MAP2K6: variants seen among roughly 807,000 people sequenced by gnomAD.
MAP2K6 encodes dual specificity mitogen-activated protein kinase kinase 6.
MAP2K6 carries 16 observed loss-of-function variants against 53.7 expected under a neutral mutation model. The ratio of observed to expected loss-of-function variants is 0.30; its 90% CI spans 0.20 to 0.45. The LOEUF is 0.45. MAP2K6 is among the 20% of genes least tolerant of loss of function. The pLI is 1.00. For missense variants in MAP2K6, 204 were observed against 411.9 expected, an observed-to-expected ratio of 0.50 and a Z score of 4.37; for synonymous variants, 132 against 143.1, an observed-to-expected ratio of 0.92 and a Z score of 0.55.
chr17:69,521,183 C>G (rs1910447670), intron 7 of MAP2K6, 83 bp downstream of exon 7: 1 of 1,231,548 alleles, frequency 8.1e-7, no homozygotes, highest in Non-Finnish European at 1.2e-6. Context: ...CCCCAGTCCC[C>G]CATGGGTGGA....
Position 69,544,748 on chromosome 17 carries a change from T to G in MAP2K6, c.*2995T>G, listed in dbSNP as rs553223365. The G allele has an allele frequency of 4.6e-5, 7 of 152,318 alleles. No homozygotes were observed. In the South Asian group the frequency reaches 1.5e-3, roughly 32 times the overall value. The allele number at this position is 152,318 out of a possible 1,614,324, so 9.4% of individuals were successfully genotyped here. A position where few individuals can be genotyped will look rare whatever the true frequency, so the allele number is the denominator to read the frequency against. ...GCCAAAAAAAGTAATATGCATAACT[T>G]TTAAGACTATTACCCTATGTTTGTA... On this transcript the variant is annotated 3_prime_UTR_variant, in exon 12 of 12. Coordinates refer to ENST00000590474, the MANE Select transcript of MAP2K6 (RefSeq NM_002758.4).
intron 11 of MAP2K6, among the ~76,000 whole-genome samples, chr17:69,539,712 T>G (rs1171730571): frequency 6.6e-6 from 1 of 152,042 alleles, no homozygotes; most frequent in Non-Finnish European, 1.5e-5. Context: ...AAAGGCAAGG[T>G]GGGGCTGGCA....
intron 1 of MAP2K6, among the ~76,000 whole-genome samples, chr17:69,476,024 GA>G (rs1232285255): frequency 1.3e-5 from 2 of 152,156 alleles, no homozygotes; most frequent in Non-Finnish European, 2.9e-5. Flanking sequence ...GAGCAAATGA[GA>G]AAAGGCAGAA....
intron 1 of MAP2K6, among the ~76,000 whole-genome samples, chr17:69,418,236 T>C (rs545033251): frequency 4.6e-5 from 7 of 152,176 alleles, no homozygotes; most frequent in Non-Finnish European, 1.0e-4. Context: ...TAGCATTGCA[T>C]TCAGTTCTTT....
chr17:69,445,655 T>A (rs962219474), intron 1 of MAP2K6, among the ~76,000 whole-genome samples: 12 of 152,156 alleles, frequency 7.9e-5, no homozygotes, highest in Non-Finnish European at 1.2e-4. Flanking sequence ...ATTTTTTTTT[T>A]AAATATTCTT....
intron 2 of MAP2K6, among the ~76,000 whole-genome samples, chr17:69,511,348 TG>T (rs1383661492): frequency 6.6e-6 from 1 of 152,216 alleles, no homozygotes; most frequent in Non-Finnish European, 1.5e-5. Context: ...GTGTTTTTCT[TG>T]GCAATTTTTG....
At chr17:69,496,903 A>G (rs1220140822) in intron 1 of MAP2K6, among the ~76,000 whole-genome samples, 2 of 151,686 alleles carry the variant, frequency 1.3e-5, no homozygotes, top group Non-Finnish European at 2.9e-5. Flanking sequence ...TTCCTCTTTC[A>G]CTTAACTTCA....
In MAP2K6 at chr17:69,551,973, G is replaced by A. The variant is rs1437479076; in HGVS notation, c.*10220G>A. 6.6e-6 allele frequency: 1 copy of A among 152,160 alleles called. No homozygotes were observed. Among genetic ancestry groups the A allele is most frequent in the Non-Finnish European group, 1.5e-5 (1 of 68,022 alleles). 9.4% of individuals were successfully genotyped at this position (152,160 alleles called of 1,614,324 possible). On this transcript the variant is annotated 3_prime_UTR_variant, in exon 12 of 12. Coordinates refer to ENST00000590474, the MANE Select transcript of MAP2K6 (RefSeq NM_002758.4). ...CTTTACAAGAATTTTAATAAAAGAG[G>A]TGGATTTCTTCAGCTTTCTTTGTGC...
At chr17:69,431,326 T>C (rs2145137463) in intron 1 of MAP2K6, among the ~76,000 whole-genome samples, 1 of 151,106 alleles carries the variant, frequency 6.6e-6, no homozygotes, top group East Asian at 1.9e-4. Context: ...ACAATTATAC[T>C]ATATTGTATA....
intron 1 of MAP2K6, among the ~76,000 whole-genome samples, chr17:69,498,590 C>A (rs1909031358): frequency 6.6e-6 from 1 of 151,456 alleles, no homozygotes; most frequent in African/African-American, 2.4e-5. Flanking sequence ...GACTTTTTAG[C>A]ACTTAGAGAC....
At chr17:69,486,174 G>A (rs903763929) in intron 1 of MAP2K6, among the ~76,000 whole-genome samples, 20 of 152,160 alleles carry the variant, frequency 1.3e-4, no homozygotes, top group Admixed American at 7.2e-4. Context: ...GTTTTTCCAC[G>A]TTGTGGTACT....
At chr17:69,497,524 CT>C (rs11442126) in intron 1 of MAP2K6, among the ~76,000 whole-genome samples, 26 of 149,506 alleles carry the variant, frequency 1.7e-4, no homozygotes, top group Non-Finnish European at 3.1e-4. Flanking sequence ...CTTGTTACAT[CT>C]TTTTTTTTTT....
intron 1 of MAP2K6, among the ~76,000 whole-genome samples, chr17:69,470,750 T>C (rs573442308): frequency 1.8e-4 from 27 of 152,360 alleles, no homozygotes; most frequent in African/African-American, 5.8e-4. Context: ...TGGTGCTGTC[T>C]GCCTAGAACT....
chr17:69,438,961 G>A (rs1358479664), intron 1 of MAP2K6, among the ~76,000 whole-genome samples: 1 of 152,170 alleles, frequency 6.6e-6, no homozygotes. Context: ...TTAAGTTTCA[G>A]TGTCTATAAA....
intron 1 of MAP2K6, among the ~76,000 whole-genome samples, chr17:69,469,296 C>T (rs374161514): frequency 2.0e-4 from 31 of 152,182 alleles, no homozygotes; most frequent in East Asian, 3.8e-4. Context: ...ATTTTGAGCC[C>T]GCTCAAAATA....
chr17:69,476,382 T>C (rs772577234), intron 1 of MAP2K6, among the ~76,000 whole-genome samples: 1 of 152,192 alleles, frequency 6.6e-6, no homozygotes, highest in Non-Finnish European at 1.5e-5. Context: ...AAGGTGATAC[T>C]GGAATCGCAG....
intron 1 of MAP2K6, among the ~76,000 whole-genome samples, chr17:69,464,064 A>G (rs181029917): frequency 1.0e-3 from 158 of 152,190 alleles, no homozygotes; most frequent in African/African-American, 3.7e-3. Context: ...AAAATATTGT[A>G]TGTTTTTATT....
At chr17:69,430,252 C>T (rs556920449) in intron 1 of MAP2K6, among the ~76,000 whole-genome samples, 10 of 152,166 alleles carry the variant, frequency 6.6e-5, no homozygotes, top group African/African-American at 2.4e-4. Flanking sequence ...ATGAGAATCG[C>T]TTGAACCTGG....
At chr17:69,486,774 AG>A (rs11362067) in intron 1 of MAP2K6, among the ~76,000 whole-genome samples, 23,054 of 152,158 alleles carry the variant, frequency 0.15, 1,870 homozygotes, top group African/African-American at 0.19. Context: ...TGCTTAGGGA[AG>A]GGGCATTCGT....
Sources: gnomAD v4.1 joint callset for allele counts (sites outside exome capture counted in the v4.1 genomes callset) on GRCh38, gnomAD v4.1.1 for gene constraint, MANE v1.5 for transcripts, NCBI Gene and HGNC (gene_info 2026-07-23, HGNC 2026-07-21) for gene names.